KCNQ5: variants seen among roughly 807,000 people sequenced by gnomAD.
KCNQ5 encodes the protein potassium voltage-gated channel subfamily KQT member 5.
In KCNQ5, 30 loss-of-function variants were observed where a neutral mutation model predicts 98.2. The ratio of observed to expected loss-of-function variants is 0.31; its 90% CI spans 0.23 to 0.41. The LOEUF (loss-of-function observed/expected upper bound fraction) is 0.41, where lower values mean the gene tolerates loss of function less well. Among genes scored for constraint, KCNQ5 ranks in the 10% least tolerant of loss-of-function variants. The pLI is 1.00. For missense variants in KCNQ5, 835 were observed against 1,182.5 expected (o/e 0.71, Z 4.31); for synonymous variants, 458 against 449.4 (o/e 1.02, Z -0.24).
chr6:73,184,828 A>G (rs113581782), intron 11 of KCNQ5, among the ~76,000 whole-genome samples: 15 of 152,328 alleles, frequency 9.8e-5, no homozygotes, highest in African/African-American at 3.4e-4. Context: ...TGACAGGAAA[A>G]TCCAGATGGG....
chr6:72,631,239 T>C lies in KCNQ5; in HGVS notation c.398+8652T>C, dbSNP rs540714629. ...TTGGAAATGCTGAGCTTTTGGTGCCTGTGGGAATTCCAACTATAAATGTAC... is the reference window on the plus strand; with the variant it reads ...TTGGAAATGCTGAGCTTTTGGTGCCCGTGGGAATTCCAACTATAAATGTAC... On this transcript the variant is annotated intron_variant, in intron 1 of 13. Coordinates refer to ENST00000370398, the MANE Select transcript of KCNQ5 (RefSeq NM_019842.4). Among the ~76,000 whole-genome samples the C allele has an allele frequency of 4.6e-5, 7 of 152,314 alleles. 1 individual carries two copies. The highest frequency in any genetic ancestry group is 4.6e-4 in the Admixed American group (7 of 15,302).
chr6:72,973,567 AT>A (rs1768007567), intron 1 of KCNQ5, among the ~76,000 whole-genome samples: 1 of 152,164 alleles, frequency 6.6e-6, no homozygotes, highest in Admixed American at 6.5e-5. Flanking sequence ...AGCACTTAGA[AT>A]TTTACAGTGA....
At chr6:72,937,138 C>A (rs1190444265) in intron 1 of KCNQ5, among the ~76,000 whole-genome samples, 2 of 152,086 alleles carry the variant, frequency 1.3e-5, no homozygotes, top group Admixed American at 6.6e-5. Context: ...TAGTAATTTA[C>A]AAATAATGCT....
chr6:72,815,617 A>G (rs1041061953), intron 1 of KCNQ5, among the ~76,000 whole-genome samples: 3 of 152,324 alleles, frequency 2.0e-5, no homozygotes, highest in East Asian at 3.9e-4. Flanking sequence ...TCTGCAGGCA[A>G]TGAGGATCCG....
intron 1 of KCNQ5, among the ~76,000 whole-genome samples, chr6:72,923,800 G>A (rs1202922584): frequency 6.6e-6 from 1 of 152,052 alleles, no homozygotes; most frequent in African/African-American, 2.4e-5. Context: ...CACAGTATTT[G>A]GTTTTTTGTT....
At chr6:73,008,182 C>T (rs2150327021) in intron 2 of KCNQ5, among the ~76,000 whole-genome samples, 1 of 151,334 alleles carries the variant, frequency 6.6e-6, no homozygotes, top group African/African-American at 2.4e-5. Context: ...AAGAAGGTAG[C>T]AATTCAGGAA....
intron 11 of KCNQ5, among the ~76,000 whole-genome samples, chr6:73,173,102 T>A (rs551396442): frequency 6.6e-6 from 1 of 152,354 alleles, no homozygotes; most frequent in Non-Finnish European, 1.5e-5. Context: ...AAAGAATTAC[T>A]ATTCTTAGAC....
intron 1 of KCNQ5, among the ~76,000 whole-genome samples, chr6:72,899,324 T>C (rs1038059385): frequency 4.6e-5 from 7 of 152,174 alleles, no homozygotes; most frequent in Non-Finnish European, 8.8e-5. Flanking sequence ...CCAGCAACCA[T>C]CATCCTTTCT....
chr6:73,161,794 T>C (rs1401252361), intron 10 of KCNQ5, among the ~76,000 whole-genome samples: 4 of 152,196 alleles, frequency 2.6e-5, no homozygotes, highest in Non-Finnish European at 5.9e-5. Context: ...AAAATGGTCT[T>C]CTTTACCATC....
intron 1 of KCNQ5, among the ~76,000 whole-genome samples, chr6:72,844,479 T>G (rs987828508): frequency 3.9e-5 from 6 of 152,212 alleles, no homozygotes; most frequent in African/African-American, 1.4e-4. Flanking sequence ...TAAGACAGTA[T>G]AAAATAGTAG....
intron 1 of KCNQ5, among the ~76,000 whole-genome samples, chr6:72,926,740 TAATC>T (rs945480154): frequency 1.3e-5 from 2 of 152,182 alleles, no homozygotes; most frequent in African/African-American, 2.4e-5. Flanking sequence ...ATGGTTTTCT[TAATC>T]TATTAACCAT....
chr6:72,986,734 C>T (rs1367523677), intron 1 of KCNQ5: 1 of 1,462,650 alleles, frequency 6.8e-7, no homozygotes, highest in African/African-American at 1.4e-5. Context: ...TGTCCCATGC[C>T]TCTGGGGTGA....
At chr6:72,684,168 G>T (rs976239197) in intron 1 of KCNQ5, among the ~76,000 whole-genome samples, 2 of 152,088 alleles carry the variant, frequency 1.3e-5, no homozygotes, top group Admixed American at 1.3e-4. Context: ...TTCCAATTCC[G>T]AATGAGTATG....
At chr6:73,085,046 T>A (rs1175395180) in intron 5 of KCNQ5, among the ~76,000 whole-genome samples, 1 of 152,168 alleles carries the variant, frequency 6.6e-6, no homozygotes, top group Non-Finnish European at 1.5e-5. Context: ...GGAGACTCAC[T>A]GGTACTTCAA....
At chr6:72,754,976 A>C (rs1013474013) in intron 1 of KCNQ5, among the ~76,000 whole-genome samples, 3 of 151,406 alleles carry the variant, frequency 2.0e-5, no homozygotes, top group Non-Finnish European at 4.4e-5. Flanking sequence ...ATTACATTTT[A>C]TTTTATTCAT....
At chr6:73,092,615 G>A (rs1328859464) in intron 5 of KCNQ5, among the ~76,000 whole-genome samples, 7 of 152,006 alleles carry the variant, frequency 4.6e-5, no homozygotes, top group Non-Finnish European at 8.8e-5. Context: ...GAGTTTTAAC[G>A]ATAAAGGAAT....
chr6:72,633,348 T>A (rs2098922128), intron 1 of KCNQ5, among the ~76,000 whole-genome samples: 1 of 152,168 alleles, frequency 6.6e-6, no homozygotes, highest in Non-Finnish European at 1.5e-5. Flanking sequence ...GCATAGATTG[T>A]GAATATTTTC....
chr6:72,781,796 C>G (rs762972815), intron 1 of KCNQ5, among the ~76,000 whole-genome samples: 8 of 151,654 alleles, frequency 5.3e-5, no homozygotes, highest in Non-Finnish European at 8.8e-5. Context: ...GACTTTTGTA[C>G]TGACCTAGGG....
chr6:72,911,348 CCT>C (rs969537683), intron 1 of KCNQ5, among the ~76,000 whole-genome samples: 2 of 152,242 alleles, frequency 1.3e-5, no homozygotes, highest in African/African-American at 4.8e-5. Flanking sequence ...AGCTAGCTAG[CCT>C]CTCTTTCCGC....
Sources: gnomAD v4.1 joint callset for allele counts (sites outside exome capture counted in the v4.1 genomes callset) on GRCh38, gnomAD v4.1.1 for gene constraint, MANE v1.5 for transcripts, NCBI Gene and HGNC (gene_info 2026-07-23, HGNC 2026-07-21) for gene names.